Variants in MTM1 observed in about 807,000 individuals in gnomAD.
MTM1 encodes myotubularin 1, also known as myotubularin.
A neutral mutation model predicts 52.1 loss-of-function variants in MTM1; 9 were observed. The ratio of observed to expected loss-of-function variants is 0.17; its 90% CI spans 0.10 to 0.30. The LOEUF (loss-of-function observed/expected upper bound fraction) is 0.30. MTM1 is among the 10% of genes least tolerant of loss of function. The probability of loss-of-function intolerance (pLI) is 1.00; values close to 1 mark genes in which losing one functional copy is unlikely to be tolerated. For missense variants in MTM1, 277 were observed against 470.7 expected (o/e 0.59, Z 3.81); for synonymous variants, 136 against 163.8 (o/e 0.83, Z 1.29).
At chrX:150,592,930 G>A (rs1337680044) in intron 2 of MTM1, among the ~76,000 whole-genome samples, 4 of 106,541 alleles carry the variant, frequency 3.8e-5, no homozygotes, top group Admixed American at 3.0e-4. Context: ...TGCAACCTCC[G>A]CCTCCCAGAT....
intron 4 of MTM1, among the ~76,000 whole-genome samples, chrX:150,613,270 A>G (rs940886256): frequency 2.9e-4 from 32 of 112,139 alleles, no homozygotes; most frequent in Non-Finnish European, 4.7e-4. Context: ...AATATGAAAG[A>G]AAAGTTTGGA....
chrX:150,588,666 C>T (rs781791816), intron 1 of MTM1, among the ~76,000 whole-genome samples: 1 of 111,713 alleles, frequency 9.0e-6, no homozygotes. Context: ...TGTACTGGGA[C>T]GGCTGTACCT....
intron 10 of MTM1, among the ~76,000 whole-genome samples, chrX:150,652,578 T>C (rs2040038142): frequency 1.0e-5 from 1 of 99,971 alleles, no homozygotes; most frequent in Admixed American, 1.1e-4. Flanking sequence ...AGAACCTAAA[T>C]GTACAAGAAA....
chrX:150,668,810 A>G (rs1557415056), intron 14 of MTM1, among the ~76,000 whole-genome samples: 1 of 112,037 alleles, frequency 8.9e-6, no homozygotes, highest in African/African-American at 3.2e-5. Context: ...CAGCTTCAGC[A>G]AATAGTTCAA....
chrX:150,623,372 C>T (rs1001285560), intron 6 of MTM1, among the ~76,000 whole-genome samples: 5 of 110,362 alleles, frequency 4.5e-5, no homozygotes, highest in Non-Finnish European at 9.5e-5. Flanking sequence ...TAGTCCAGTG[C>T]CTGGCATACG....
At chrX:150,656,821 G>C (rs1557414436) in intron 10 of MTM1, among the ~76,000 whole-genome samples, 1 of 111,948 alleles carries the variant, frequency 8.9e-6, no homozygotes, top group East Asian at 2.8e-4. Flanking sequence ...AGGATATGAA[G>C]AGACACTTCT....
intron 1 of MTM1, among the ~76,000 whole-genome samples, chrX:150,580,534 CT>C (rs370685704): frequency 3.3e-4 from 34 of 102,079 alleles, no homozygotes; most frequent in East Asian, 1.5e-3. Flanking sequence ...TTATTTCTGC[CT>C]TTTTTTTTTT....
intron 1 of MTM1, among the ~76,000 whole-genome samples, chrX:150,588,943 A>G (rs1402564338): frequency 8.9e-6 from 1 of 111,861 alleles, no homozygotes; most frequent in Non-Finnish European, 1.9e-5. Context: ...TCCTTGGCCA[A>G]TCCTTAATTG....
intron 1 of MTM1, among the ~76,000 whole-genome samples, chrX:150,572,302 G>A (rs2038391814): frequency 9.0e-6 from 1 of 111,682 alleles, no homozygotes. Flanking sequence ...GTGCCTCAGA[G>A]CCCTTTGTAA....
intron 1 of MTM1, among the ~76,000 whole-genome samples, chrX:150,576,677 GTTC>G (rs1309927026): frequency 9.0e-6 from 1 of 111,323 alleles, no homozygotes; most frequent in East Asian, 2.8e-4. Flanking sequence ...TTATTAGTTT[GTTC>G]TTCTAAGTAT....
intron 10 of MTM1, among the ~76,000 whole-genome samples, chrX:150,655,287 T>G (rs1033025906): frequency 8.8e-5 from 9 of 102,141 alleles, no homozygotes; most frequent in African/African-American, 3.3e-4. Context: ...ATCCCGCCAC[T>G]GCACTCCAGC....
intron 2 of MTM1, among the ~76,000 whole-genome samples, chrX:150,594,838 C>G (rs781943085): frequency 9.0e-6 from 1 of 111,363 alleles, no homozygotes; most frequent in Non-Finnish European, 1.9e-5. Flanking sequence ...GCTCGTTATG[C>G]CTGTTTTTAG....
intron 6 of MTM1, among the ~76,000 whole-genome samples, chrX:150,627,338 G>A (rs1353665609): frequency 9.0e-6 from 1 of 111,713 alleles, no homozygotes; most frequent in Non-Finnish European, 1.9e-5. Context: ...TATAAAATAT[G>A]TATAAAATCT....
intron 10 of MTM1, 72 bp downstream of exon 10, chrX:150,649,973 T>C (rs1373739129): frequency 1.9e-5 from 18 of 957,002 alleles, no homozygotes; most frequent in Non-Finnish European, 2.5e-5. Flanking sequence ...GGACATATTT[T>C]TAAATTCCTT....
chrX:150,647,221 A>ATATATATATATG lies in MTM1; in HGVS notation c.867+1350_867+1351insTATATATATATG, dbSNP rs373023705. On this transcript the variant is annotated intron_variant, in intron 9 of 14. Coordinates refer to ENST00000370396, the MANE Select transcript of MTM1 (RefSeq NM_000252.3). ...TATATATATATATATATATATATATAGCAATATTTTCATGTACATATTTAG... is the reference window on the plus strand; with the variant it reads ...TATATATATATATATATATATATATATATATATATATGGCAATATTTTCATGTACATATTTAG... Among the ~76,000 whole-genome samples, 230 of 101,600 alleles carry ATATATATATATG rather than the reference A, an allele frequency of 2.3e-3. 1 individual carries two copies. Among genetic ancestry groups the ATATATATATATG allele is most frequent in the African/African-American group, 8.1e-3 (209 of 25,811 alleles). The allele number at this position is 101,600 out of a possible 115,157, so 88.2% of individuals were successfully genotyped here.
At chrX:150,581,054 TAAAAAAATATCCTCGCACCTTTA>T (rs1180791442) in intron 1 of MTM1, among the ~76,000 whole-genome samples, 3 of 111,723 alleles carry the variant, frequency 2.7e-5, no homozygotes, top group African/African-American at 9.8e-5. Context: ...CAGGCACCTT[TAAAAAAATATCCTCGCACCTTTA>T]AAAAAAATAT....
At chrX:150,592,324 C>G (rs1043798064) in intron 1 of MTM1, among the ~76,000 whole-genome samples, 1 of 111,192 alleles carries the variant, frequency 9.0e-6, no homozygotes, top group Non-Finnish European at 1.9e-5. Context: ...AATTAAAATT[C>G]CTGGAATGTG....
intron 1 of MTM1, chrX:150,591,126 T>C (rs1191406231): frequency 1.9e-6 from 1 of 529,101 alleles, no homozygotes; most frequent in African/African-American, 2.5e-5. Flanking sequence ...TTTTAAAAAG[T>C]TACTTTTAAT....
At chrX:150,646,344 A>T (rs1395072620) in intron 9 of MTM1, among the ~76,000 whole-genome samples, 1 of 113,197 alleles carries the variant, frequency 8.8e-6, no homozygotes, top group Non-Finnish European at 1.9e-5. Flanking sequence ...AGGTCCACGT[A>T]TGTGAGTTTT....
Sources: gnomAD v4.1 joint callset for allele counts (sites outside exome capture counted in the v4.1 genomes callset) on GRCh38, gnomAD v4.1.1 for gene constraint, MANE v1.5 for transcripts, NCBI Gene and HGNC (gene_info 2026-07-23, HGNC 2026-07-21) for gene names.